DLGAP4: variants seen among roughly 807,000 people sequenced by gnomAD.
The protein encoded by DLGAP4 is disks large-associated protein 4.
DLGAP4 carries 18 observed loss-of-function variants against 86.9 expected under a neutral mutation model. The ratio of observed to expected loss-of-function variants is 0.21; its 90% CI spans 0.14 to 0.31. DLGAP4 has a LOEUF of 0.31. Ranked by LOEUF, DLGAP4 falls within the 10% of genes least tolerant of loss-of-function variation. The pLI is 1.00. For synonymous variants in DLGAP4, 548 were observed against 574.3 expected, an observed-to-expected ratio of 0.95 and a Z score of 0.65; for missense variants, 1,085 against 1,362.6, an observed-to-expected ratio of 0.80 and a Z score of 3.21.
At chr20:36,524,398 T>A (rs1025665516) in intron 11 of DLGAP4, 57 bp downstream of exon 11, 5 of 1,474,326 alleles carry the variant, frequency 3.4e-6, no homozygotes, top group Non-Finnish European at 4.7e-6. Flanking sequence ...CTGCCCACTA[T>A]ACTCTGCCAG....
At chr20:36,467,025 T>C (rs1352608326) in intron 7 of DLGAP4, among the ~76,000 whole-genome samples, 13 of 54,818 alleles carry the variant, frequency 2.4e-4, no homozygotes, top group African/African-American at 1.1e-3. Context: ...CTCCTCTCTC[T>C]CTCTCTCTCT....
intron 10 of DLGAP4, among the ~76,000 whole-genome samples, chr20:36,515,780 C>T (rs775240002): frequency 7.9e-5 from 12 of 152,174 alleles, no homozygotes; most frequent in Non-Finnish European, 1.3e-4. Flanking sequence ...ATTAACTCCT[C>T]TCCTCACTCC....
At chr20:36,332,735 G>T (rs535656621) in intron 1 of DLGAP4, among the ~76,000 whole-genome samples, 18 of 152,140 alleles carry the variant, frequency 1.2e-4, no homozygotes, top group African/African-American at 4.3e-4. Flanking sequence ...AGACTCAGAG[G>T]GGAAAGGAGT....
At chr20:36,375,779 G>A (rs1002716607) in intron 2 of DLGAP4, among the ~76,000 whole-genome samples, 1 of 152,194 alleles carries the variant, frequency 6.6e-6, no homozygotes, top group African/African-American at 2.4e-5. Flanking sequence ...GTGAGGGATG[G>A]TGGGGAGACA....
intron 7 of DLGAP4, among the ~76,000 whole-genome samples, chr20:36,482,237 G>T (rs1171842091): frequency 1.3e-5 from 2 of 152,180 alleles, no homozygotes; most frequent in African/African-American, 4.8e-5. Flanking sequence ...GATTCGCTTG[G>T]TCATTCAGAA....
chr20:36,356,263 T>C (rs970534424), intron 1 of DLGAP4, among the ~76,000 whole-genome samples: 1 of 152,230 alleles, frequency 6.6e-6, no homozygotes, highest in Non-Finnish European at 1.5e-5. Context: ...CAATTCACTT[T>C]ATCGTTAAAG....
chr20:36,494,984 G>GTTTTTTTTTT (rs752411826), intron 7 of DLGAP4, among the ~76,000 whole-genome samples: 8 of 75,388 alleles, frequency 1.1e-4, no homozygotes, highest in Admixed American at 2.1e-4. Context: ...TTTTTGTTCG[G>GTTTTTTTTTT]TTTTTTTTTT....
chr20:36,510,654 G>A (rs1302117715), intron 10 of DLGAP4, among the ~76,000 whole-genome samples: 20 of 148,144 alleles, frequency 1.4e-4, no homozygotes, highest in South Asian at 1.3e-3. Flanking sequence ...CAAGTGATCC[G>A]CCTGCCTCGG....
chr20:36,426,420 C>A (rs1483615606), intron 2 of DLGAP4, among the ~76,000 whole-genome samples: 2 of 152,054 alleles, frequency 1.3e-5, no homozygotes, highest in African/African-American at 4.8e-5. Flanking sequence ...GAGGCTGAGG[C>A]ACGAGAATCG....
At chr20:36,401,444 C>T (rs2032157869) in intron 2 of DLGAP4, among the ~76,000 whole-genome samples, 1 of 152,234 alleles carries the variant, frequency 6.6e-6, no homozygotes, top group Admixed American at 6.5e-5. Context: ...TGCTGCTTAG[C>T]CCTGGTGTCA....
rs551551870 is a variant in DLGAP4 at position 36,523,996 on chromosome 20, TGTTTTACATTTACACTCA to T, written c.2513-248_2513-231del. On this transcript the variant is annotated intron_variant, in intron 10 of 12. Transcript: ENST00000339266. The stretch of plus-strand genomic sequence containing the variant: ...CCATGATTTATGTTTTTCTGGAAAA[TGTTTTACATTTACACTCA>T]GTTTTCATATTTGTTGCCATAACAT... Among the ~76,000 whole-genome samples, 71 of 152,296 alleles carry T rather than the reference TGTTTTACATTTACACTCA, an allele frequency of 4.7e-4. 2 individuals are homozygous for T. In the South Asian group the frequency reaches 0.014, roughly 31 times the overall value.
chr20:36,442,711 C>T lies in DLGAP4; in HGVS notation c.1357-16C>T. 6.2e-7 allele frequency: 1 copy of T among 1,614,186 alleles called. No homozygotes were observed. Among genetic ancestry groups the T allele is most frequent in the Admixed American group, 1.7e-5 (1 of 60,024 alleles). ...GCCCTGGTCCTTCCATAACCCTCAC[C>T]CTCTCTTTCCTGCAGATTTTTGGAC... On this transcript the variant is annotated splice_polypyrimidine_tract_variant and intron_variant, in intron 5 of 12. Coordinates refer to ENST00000339266, the MANE Select transcript of DLGAP4 (RefSeq NM_001365621.2).
intron 10 of DLGAP4, 61 bp from the exon 11 acceptor site, chr20:36,524,189 T>G (rs772691276): frequency 3.0e-5 from 41 of 1,371,328 alleles, no homozygotes; most frequent in Non-Finnish European, 4.2e-5. Flanking sequence ...AAAAGCATGA[T>G]GCCATCCCAC....
chr20:36,409,248 G>C (rs1417476997), intron 2 of DLGAP4, among the ~76,000 whole-genome samples: 9 of 151,912 alleles, frequency 5.9e-5, no homozygotes, highest in African/African-American at 2.2e-4. Context: ...ATGTTGGTCA[G>C]GCTGGCCTCG....
intron 2 of DLGAP4, among the ~76,000 whole-genome samples, chr20:36,368,747 G>T (rs1483410699): frequency 6.6e-6 from 1 of 152,258 alleles, no homozygotes; most frequent in East Asian, 1.9e-4. Flanking sequence ...AATGTGTAAT[G>T]AGGGCCAGCT....
In DLGAP4 at chr20:36,525,877, AGC is replaced by A; in HGVS notation, c.2632_2633del (p.Ala878ProfsTer23). 6.2e-7 allele frequency: 1 copy of A among 1,613,842 alleles called. No individual in the cohort carries two copies. Among genetic ancestry groups the A allele is most frequent in the Non-Finnish European group, 8.5e-7 (1 of 1,179,996 alleles). ...ACCCTGATGCCAACCCACGCCCCAC[AGC>A]CCAGGACCTGGCAGGGTTCTGGGAC... ...LNPDANPRPT[A>X]QDLAGFWDLL... On this transcript the variant is annotated frameshift_variant, in exon 12 of 13. Transcript: ENST00000339266. LOFTEE classifies it high-confidence loss of function.
chr20:36,438,748 G>A (rs1413104330), intron 4 of DLGAP4, among the ~76,000 whole-genome samples: 4 of 118,664 alleles, frequency 3.4e-5, no homozygotes, highest in Non-Finnish European at 6.5e-5. Flanking sequence ...TTGCTCTGTC[G>A]CCCAGGCTGG....
In DLGAP4 at chr20:36,432,644, C is replaced by T. The variant is rs150111713; in HGVS notation, c.927C>T (p.Thr309=). Residue 309 remains threonine (T), a synonymous_variant, in exon 3 of 13, where the codon ACC becomes ACT. Coordinates refer to ENST00000339266, the MANE Select transcript of DLGAP4 (RefSeq NM_001365621.2). This position sits in a 1 kb window ranked among gnomAD's most constrained non-coding sequence, Gnocchi z 6.5. ...LSHAHEVCQK[T]SATLDKSLLK... is the part of the protein sequence containing the mutation. ...ACGCCCACGAGGTCTGCCAGAAGAC[C>T]TCAGCCACCTTGGATAAGAGCCTGC... The T allele has an allele frequency of 2.7e-5, 43 of 1,613,142 alleles. No individual in the cohort carries two copies. Among genetic ancestry groups the T allele is most frequent in the Non-Finnish European group, 3.1e-5 (36 of 1,179,722 alleles).
At chr20:36,392,590 G>T (rs1334870213) in intron 2 of DLGAP4, among the ~76,000 whole-genome samples, 1 of 148,224 alleles carries the variant, frequency 6.7e-6, no homozygotes, top group Non-Finnish European at 1.5e-5. Context: ...GGCTGCTCTC[G>T]AACTCCTGAC....
Sources: allele counts gnomAD v4.1 joint callset (sites outside exome capture counted in the v4.1 genomes callset), GRCh38; gene constraint gnomAD v4.1.1; non-coding constraint Gnocchi (gnomAD v3.1); transcripts MANE v1.5; gene names NCBI Gene and HGNC (gene_info 2026-07-23, HGNC 2026-07-21).